The following ATL1 variants were observed in gnomAD, a reference collection of about 807,000 sequenced individuals.
ATL1 encodes the protein atlastin-1.
Under a neutral mutation model 75.5 loss-of-function variants are expected in ATL1, and 31 were observed. That is an observed-to-expected ratio of 0.41 (90% CI 0.31 to 0.55). The LOEUF is 0.55. ATL1 is among the 20% of genes least tolerant of loss of function. The pLI, the probability that ATL1 is intolerant of heterozygous loss-of-function variation, is 0.27. For synonymous variants in ATL1, 226 were observed against 233.3 expected, an observed-to-expected ratio of 0.97 and a Z score of 0.28; for missense variants, 405 against 662.6, an observed-to-expected ratio of 0.61 and a Z score of 4.27.
chr14:50,561,846 C>T (rs770051317), intron 1 of ATL1, among the ~76,000 whole-genome samples: 3 of 152,096 alleles, frequency 2.0e-5, no homozygotes, highest in Non-Finnish European at 2.9e-5. Context: ...CCTTTCCACC[C>T]GTTCTCTTGG....
chr14:50,556,266 G>A (rs1200572119), upstream of ATL1, among the ~76,000 whole-genome samples: 2 of 152,144 alleles, frequency 1.3e-5, no homozygotes, highest in African/African-American at 4.8e-5. Context: ...GTCTTGCTCT[G>A]TCATCCAGGC....
At chr14:50,568,227 T>G (rs984138342) in intron 1 of ATL1, among the ~76,000 whole-genome samples, 3 of 152,206 alleles carry the variant, frequency 2.0e-5, no homozygotes, top group African/African-American at 7.2e-5. Context: ...GTATTAAAAC[T>G]TTTATTAGTA....
chr14:50,594,012 A>C, intron 5 of ATL1, 116 bp downstream of exon 5: 1 of 813,404 alleles, frequency 1.2e-6, no homozygotes, highest in South Asian at 1.4e-5. Flanking sequence ...TTTAAACAGG[A>C]ACTATTGGCC....
chr14:50,623,785 T>C (rs2039490889), intron 11 of ATL1, among the ~76,000 whole-genome samples: 1 of 152,218 alleles, frequency 6.6e-6, no homozygotes, highest in South Asian at 2.1e-4. Flanking sequence ...GTGCGGTGGC[T>C]CATGCCTGTA....
intron 8 of ATL1, among the ~76,000 whole-genome samples, chr14:50,620,075 T>G (rs375424369): frequency 6.6e-6 from 1 of 152,060 alleles, no homozygotes; most frequent in Non-Finnish European, 1.5e-5. Flanking sequence ...CTGGCCAACA[T>G]GGTGAAACCC....
At chr14:50,558,889 T>A (rs1158484275), upstream of ATL1, among the ~76,000 whole-genome samples, 1 of 152,194 alleles carries the variant, frequency 6.6e-6, no homozygotes, top group African/African-American at 2.4e-5. Context: ...AAAACCATGT[T>A]GTAAACTTGG....
chr14:50,592,049 A>T (rs2039163873), intron 4 of ATL1, among the ~76,000 whole-genome samples: 1 of 152,214 alleles, frequency 6.6e-6, no homozygotes, highest in South Asian at 2.1e-4. Flanking sequence ...ATGTAAAAAC[A>T]TTTACATGTG....
intron 1 of ATL1, among the ~76,000 whole-genome samples, chr14:50,582,244 A>C (rs947378632): frequency 6.6e-6 from 1 of 151,360 alleles, no homozygotes; most frequent in African/African-American, 2.4e-5. Flanking sequence ...GCGCCACTGC[A>C]CTCTAGCCTG....
At chr14:50,533,993 A>G (rs1175993965) in intron 1 of ATL1, among the ~76,000 whole-genome samples, 1 of 152,142 alleles carries the variant, frequency 6.6e-6, no homozygotes, top group Non-Finnish European at 1.5e-5. Flanking sequence ...TTGTTGAAGA[A>G]CAGTTCCTTC....
rs1276614687 is a variant in ATL1 at position 50,624,997 on chromosome 14, G to GGA, written c.1119+1749_1119+1750insGA. 4.1e-3 allele frequency among the ~76,000 whole-genome samples: 624 copies of GGA among 150,572 alleles called. 2 individuals are homozygous for GGA. The highest frequency in any genetic ancestry group is 7.3e-3 in the Middle Eastern group (2 of 274). On this transcript the variant is annotated intron_variant, in intron 11 of 13. Transcript: ENST00000358385. ...AGGCAGGAGAATCGCTTGAACCCAG[G>GGA]AGGCAGAGGTTGCAATGAGCCAAGA...
intron 1 of ATL1, among the ~76,000 whole-genome samples, chr14:50,560,858 C>G (rs532683163): frequency 6.6e-6 from 1 of 152,294 alleles, no homozygotes; most frequent in Non-Finnish European, 1.5e-5. Flanking sequence ...GACCGAGCAA[C>G]TGGGAGAAGG....
chr14:50,542,079 T>A (rs1451774041), intron 1 of ATL1, among the ~76,000 whole-genome samples: 4 of 149,444 alleles, frequency 2.7e-5, no homozygotes, highest in African/African-American at 9.9e-5. Flanking sequence ...ACAGCTATTG[T>A]CTGTTTGAAA....
chr14:50,603,782 C>T (rs1253475196), intron 6 of ATL1, among the ~76,000 whole-genome samples: 5 of 152,092 alleles, frequency 3.3e-5, no homozygotes, highest in African/African-American at 4.8e-5. Flanking sequence ...AGGCTGATGT[C>T]GGCCTGCTTG....
intron 8 of ATL1, 61 bp downstream of exon 8, chr14:50,614,572 A>G (rs569818057): frequency 2.6e-6 from 4 of 1,557,932 alleles, no homozygotes; most frequent in East Asian, 4.5e-5. Flanking sequence ...ATGTCATTTT[A>G]TCTATTGGGC....
Position 50,607,713 on chromosome 14 carries a change from C to T in ATL1, c.631-5546C>T, listed in dbSNP as rs77260968. 2.7e-3 allele frequency among the ~76,000 whole-genome samples: 414 copies of T among 152,040 alleles called. 2 individuals carry two copies. The highest frequency in any genetic ancestry group is 9.2e-3 in the African/African-American group (380 of 41,512). On this transcript the variant is annotated intron_variant, in intron 6 of 13. Coordinates refer to ENST00000358385, the MANE Select transcript of ATL1 (RefSeq NM_015915.5). The stretch of plus-strand genomic sequence containing the variant: ...TGGTTTTAGAACATGTAGTCTTTCC[C>T]GGTGAGTGTAGGAATAATTTCATAT...
Position 50,595,625 on chromosome 14 carries a change from C to CT in ATL1, c.623_624insT (p.Phe209IlefsTer40), listed in dbSNP as rs2039208851. The CT allele has an allele frequency of 6.2e-7, 1 of 1,613,476 alleles. No individual in the cohort carries two copies. Among genetic ancestry groups the CT allele is most frequent in the South Asian group, 1.1e-5 (1 of 91,060 alleles). ...GCAATGGAGGAAACATTCCTGAAGCCATTTCAGGTGAGCGAGTGTTAAATG... is the reference window on the plus strand; with the variant it reads ...GCAATGGAGGAAACATTCCTGAAGCCTATTTCAGGTGAGCGAGTGTTAAATG... On this transcript the variant is annotated frameshift_variant, in exon 6 of 14. Coordinates refer to ENST00000358385, the MANE Select transcript of ATL1 (RefSeq NM_015915.5). LOFTEE classifies it high-confidence loss of function.
At chr14:50,579,994 T>A (rs2039041149) in intron 1 of ATL1, among the ~76,000 whole-genome samples, 1 of 152,236 alleles carries the variant, frequency 6.6e-6, no homozygotes, top group South Asian at 2.1e-4. Flanking sequence ...AATAATTAAG[T>A]TATAATCTAC....
chr14:50,542,006 CAAAAAAAAAAAAAAAAAAAAAAAAA>C (rs59075218), intron 1 of ATL1, among the ~76,000 whole-genome samples: 22,954 of 62,456 alleles, frequency 0.37, 3,088 homozygotes, highest in Middle Eastern at 0.49. Context: ...GATTCCGTCT[CAAAAAAAAAAAAAAAAAAAAAAAAA>C]AAAAAAAAAA....
Position 50,591,037 on chromosome 14 carries a change from A to G in ATL1, c.379A>G (p.Ser127Gly). The G allele has an allele frequency of 6.2e-7, 1 of 1,613,744 alleles. No homozygotes were observed. The highest frequency in any genetic ancestry group is 2.2e-5 in the East Asian group (1 of 44,844). ...AGAGACCACAGGAATTCAGATATGG[A>G]GTGAAATCTTCCTTATCAATAAACC... is the stretch of plus-strand genomic sequence containing the variant. The part of the protein sequence containing the change: ...ERETTGIQIW[S>G]EIFLINKPDG... The change falls in exon 3 of 14, where the codon AGT becomes GGT. Residue 127 changes from serine (S) to glycine (G), a missense_variant. Coordinates refer to ENST00000358385, the MANE Select transcript of ATL1 (RefSeq NM_015915.5).
Sources: gnomAD v4.1 joint callset for allele counts (sites outside exome capture counted in the v4.1 genomes callset) on GRCh38, gnomAD v4.1.1 for gene constraint, MANE v1.5 for transcripts, NCBI Gene and HGNC (gene_info 2026-07-23, HGNC 2026-07-21) for gene names.